RAP1GDS1: variants seen among roughly 807,000 people sequenced by gnomAD.
The protein encoded by RAP1GDS1 is RAP1, GTP-GDP dissociation stimulator 1.
RAP1GDS1 carries 35 observed loss-of-function variants against 71.1 expected under a neutral mutation model. The observed-to-expected ratio is 0.49, with a 90% CI of 0.38 to 0.65. The LOEUF is 0.65. RAP1GDS1 is among the 30% of genes least tolerant of loss of function. The probability of loss-of-function intolerance (pLI) is 0.00; values close to 1 mark genes in which losing one functional copy is unlikely to be tolerated. For synonymous variants in RAP1GDS1, 229 were observed against 243.1 expected, an observed-to-expected ratio of 0.94 and a Z score of 0.54; for missense variants, 663 against 706.1, an observed-to-expected ratio of 0.94 and a Z score of 0.69.
chr4:98,318,082 A>G (rs1328676120), intron 2 of RAP1GDS1, among the ~76,000 whole-genome samples: 1 of 151,996 alleles, frequency 6.6e-6, no homozygotes, highest in Non-Finnish European at 1.5e-5. Context: ...ATCTCAAGTG[A>G]TTTGCCCGCC....
At chr4:98,368,273 C>T (rs185870093) in intron 4 of RAP1GDS1, among the ~76,000 whole-genome samples, 177 of 152,202 alleles carry the variant, frequency 1.2e-3, no homozygotes, top group Non-Finnish European at 8.1e-4. Flanking sequence ...CCCTGCCATG[C>T]GGAACTATAA....
In RAP1GDS1 at chr4:98,442,144, C is replaced by T. The variant is rs1362149221; in HGVS notation, c.*27C>T. ...AACTGCCCGATACACGGCATCATCCCATCTCTAATTTCCCCTCTGTCCTCC... is the reference window on the plus strand; with the variant it reads ...AACTGCCCGATACACGGCATCATCCTATCTCTAATTTCCCCTCTGTCCTCC... On this transcript the variant is annotated 3_prime_UTR_variant, in exon 15 of 15. Coordinates refer to ENST00000408927, the MANE Select transcript of RAP1GDS1 (RefSeq NM_001100427.2). 9.3e-6 allele frequency: 15 copies of T among 1,607,216 alleles called. No homozygotes were observed. The highest frequency in any genetic ancestry group is 1.3e-5 in the Non-Finnish European group (15 of 1,178,156).
chr4:98,378,039 T>A (rs1000254043), intron 4 of RAP1GDS1, among the ~76,000 whole-genome samples: 1 of 151,868 alleles, frequency 6.6e-6, no homozygotes, highest in Non-Finnish European at 1.5e-5. Flanking sequence ...GAATAAAATA[T>A]TACTAAAATT....
chr4:98,328,348 A>C (rs1429572249), intron 2 of RAP1GDS1, among the ~76,000 whole-genome samples: 1 of 152,236 alleles, frequency 6.6e-6, no homozygotes, highest in Non-Finnish European at 1.5e-5. Context: ...TAAGAGTCTT[A>C]CTATTATATA....
chr4:98,305,161 G>A (rs939177275), intron 2 of RAP1GDS1, among the ~76,000 whole-genome samples: 4 of 152,046 alleles, frequency 2.6e-5, no homozygotes, highest in Non-Finnish European at 4.4e-5. Context: ...GCTCTTTTTT[G>A]ATTCCATATG....
intron 4 of RAP1GDS1, among the ~76,000 whole-genome samples, chr4:98,372,074 T>C (rs1740466490): frequency 6.6e-6 from 1 of 152,138 alleles, no homozygotes; most frequent in Admixed American, 6.6e-5. Context: ...GTTTTCTGAT[T>C]GTCTGAACTG....
chr4:98,357,046 A>G (rs1738074900), intron 4 of RAP1GDS1, among the ~76,000 whole-genome samples: 1 of 151,952 alleles, frequency 6.6e-6, no homozygotes, highest in African/African-American at 2.4e-5. Flanking sequence ...ATTGTACAAT[A>G]TTTTATCATG....
intron 12 of RAP1GDS1, among the ~76,000 whole-genome samples, chr4:98,425,951 C>G (rs185740810): frequency 2.1e-3 from 314 of 152,180 alleles, no homozygotes; most frequent in African/African-American, 7.4e-3. Context: ...GAACTTTTCT[C>G]CAAGATAGAC....
At chr4:98,388,069 A>T (rs1461491974) in intron 5 of RAP1GDS1, among the ~76,000 whole-genome samples, 1 of 152,194 alleles carries the variant, frequency 6.6e-6, no homozygotes, top group Non-Finnish European at 1.5e-5. Context: ...AGATGATCAA[A>T]TGAATCATTT....
In RAP1GDS1 at chr4:98,379,060, T is replaced by G; in HGVS notation, c.405T>G (p.Ile135Met). 1 of 1,608,512 alleles carries G rather than the reference T, an allele frequency of 6.2e-7. No individual in the cohort carries two copies. The highest frequency in any genetic ancestry group is 8.5e-7 in the Non-Finnish European group (1 of 1,177,148). ...TTGACCAAGCAGGTGGTGCACAGAT[T>G]GTAATTGACCATTTAAGGTCACTGT... ...SAVDQAGGAQ[I>M]VIDHLRSLCS... The change falls in exon 5 of 15, where the codon ATT (isoleucine) becomes ATG (methionine). Residue 135 changes from isoleucine to methionine, a missense_variant. Physicochemically the swap from Ile to Met is conservative, Grantham distance 10. Transcript: ENST00000408927.
chr4:98,408,431 C>G (rs1372309386), intron 7 of RAP1GDS1, among the ~76,000 whole-genome samples: 1 of 152,108 alleles, frequency 6.6e-6, no homozygotes, highest in Non-Finnish European at 1.5e-5. Context: ...CCGTGCCTGG[C>G]CTGATGCCAA....
intron 1 of RAP1GDS1, among the ~76,000 whole-genome samples, chr4:98,263,923 G>A (rs1484336018): frequency 1.3e-5 from 2 of 152,106 alleles, no homozygotes; most frequent in Non-Finnish European, 2.9e-5. Flanking sequence ...TCAATGGTAA[G>A]GCAGTTTCAT....
At chr4:98,404,022 G>T (rs1417748638) in intron 6 of RAP1GDS1, among the ~76,000 whole-genome samples, 1 of 152,136 alleles carries the variant, frequency 6.6e-6, no homozygotes. Flanking sequence ...TCTAGGAGAG[G>T]TTGGAGATGC....
chr4:98,369,458 A>G (rs1165458764), intron 4 of RAP1GDS1, among the ~76,000 whole-genome samples: 3 of 152,186 alleles, frequency 2.0e-5, no homozygotes, highest in Non-Finnish European at 4.4e-5. Context: ...ACTAGAAACA[A>G]CCCAATGTCA....
intron 6 of RAP1GDS1, among the ~76,000 whole-genome samples, chr4:98,397,083 GA>G (rs1560955830): frequency 2.6e-5 from 4 of 151,916 alleles, no homozygotes; most frequent in East Asian, 1.9e-4. Context: ...TCCCAATAAT[GA>G]AAAAAAGATT....
intron 7 of RAP1GDS1, among the ~76,000 whole-genome samples, chr4:98,413,415 C>A (rs1747389923): frequency 6.6e-6 from 1 of 151,854 alleles, no homozygotes. Flanking sequence ...ATTCCCCTTC[C>A]AGTGTCCATG....
chr4:98,263,610 T>C (rs1017461806), intron 1 of RAP1GDS1, among the ~76,000 whole-genome samples: 1 of 152,240 alleles, frequency 6.6e-6, no homozygotes, highest in African/African-American at 2.4e-5. Context: ...ATGTGTGTGC[T>C]GTGCATTTAA....
intron 7 of RAP1GDS1, among the ~76,000 whole-genome samples, chr4:98,413,370 C>T (rs1747379121): frequency 6.6e-6 from 1 of 151,648 alleles, no homozygotes; most frequent in African/African-American, 2.4e-5. Flanking sequence ...TCCCTCCCCG[C>T]TCCCCCCACC....
intron 13 of RAP1GDS1, among the ~76,000 whole-genome samples, chr4:98,435,970 CT>C (rs1306275859): frequency 6.6e-6 from 1 of 151,208 alleles, no homozygotes. Context: ...ACTTGAGAGG[CT>C]GAGGCAGGAG....
Sources: gnomAD v4.1 joint callset for allele counts (sites outside exome capture counted in the v4.1 genomes callset) on GRCh38, gnomAD v4.1.1 for gene constraint, MANE v1.5 for transcripts, NCBI Gene and HGNC (gene_info 2026-07-23, HGNC 2026-07-21) for gene names.